Variants in KCNG2 observed in about 807,000 individuals in gnomAD.
KCNG2 encodes potassium voltage-gated channel modifier subfamily G member 2.
In KCNG2, 7 loss-of-function variants were observed where a neutral mutation model predicts 12.3. That is an observed-to-expected ratio of 0.57 (90% CI 0.32 to 1.07). The LOEUF (loss-of-function observed/expected upper bound fraction) is 1.07. KCNG2 is among the 50% of genes least tolerant of loss of function. The pLI is 0.04. For synonymous variants in KCNG2, 414 were observed against 351.4 expected, an observed-to-expected ratio of 1.18 and a Z score of -1.99; for missense variants, 703 against 726.0, an observed-to-expected ratio of 0.97 and a Z score of 0.36.
chr18:79,885,897 C>T (rs111565223), intron 3 of KCNG2, among the ~76,000 whole-genome samples: 3 of 10,470 alleles, frequency 2.9e-4, no homozygotes, highest in African/African-American at 1.5e-4. Context: ...CATGGGGACA[C>T]GGGACAGGGA....
chr18:79,835,507 T>C (rs1403440355), intron 1 of KCNG2, among the ~76,000 whole-genome samples: 2 of 152,168 alleles, frequency 1.3e-5, no homozygotes, highest in Non-Finnish European at 2.9e-5. Context: ...AATGGGAATT[T>C]TAGATGTAAA....
intron 1 of KCNG2, among the ~76,000 whole-genome samples, chr18:79,805,403 G>C (rs558505964): frequency 6.0e-4 from 92 of 152,326 alleles, no homozygotes; most frequent in African/African-American, 2.2e-3. Context: ...GGATGAGGCC[G>C]GCACCTGCGG....
intron 3 of KCNG2, among the ~76,000 whole-genome samples, chr18:79,867,625 G>A (rs1979658262): frequency 6.6e-6 from 1 of 151,890 alleles, no homozygotes; most frequent in East Asian, 1.9e-4. Context: ...CGGGCCCTGG[G>A]CCTGGGGGTT....
At chr18:79,837,954 A>G (rs143930630) in intron 1 of KCNG2, among the ~76,000 whole-genome samples, 296 of 152,304 alleles carry the variant, frequency 1.9e-3, no homozygotes, top group African/African-American at 6.7e-3. Flanking sequence ...GGTTTAATTG[A>G]CCCACAATTC....
chr18:79,809,780 C>G (rs192122131), intron 1 of KCNG2, among the ~76,000 whole-genome samples: 1 of 152,378 alleles, frequency 6.6e-6, no homozygotes, highest in Non-Finnish European at 1.5e-5. Context: ...CCCAGGCGTC[C>G]TACTGCACAC....
At chr18:79,828,334 CTG>C (rs1316822164) in intron 1 of KCNG2, among the ~76,000 whole-genome samples, 1 of 152,182 alleles carries the variant, frequency 6.6e-6, no homozygotes, top group African/African-American at 2.4e-5. Context: ...GCATGTCTGC[CTG>C]TGTCAGTGTG....
chr18:79,876,987 C>T (rs11662550), intron 3 of KCNG2, among the ~76,000 whole-genome samples: 14,434 of 152,244 alleles, frequency 0.095, 1,024 homozygotes, highest in Non-Finnish European at 0.14. Context: ...ACGCAGGGTG[C>T]GCAGGAAATC....
At chr18:79,806,226 T>C (rs1268621925) in intron 1 of KCNG2, among the ~76,000 whole-genome samples, 1 of 151,792 alleles carries the variant, frequency 6.6e-6, no homozygotes. Context: ...GGCAAGGCCG[T>C]CGTGCTGGGG....
chr18:79,866,232 ATGCTGAGAGGTCTGTG>A (rs1471719967), intron 3 of KCNG2, among the ~76,000 whole-genome samples: 5 of 76,412 alleles, frequency 6.5e-5, no homozygotes, highest in African/African-American at 1.5e-4. Context: ...AGAGGTCTGG[ATGCTGAGAGGTCTGTG>A]TGCTGAGAGG....
chr18:79,872,287 T>TTTTGTTTG (rs1555695116), intron 3 of KCNG2, among the ~76,000 whole-genome samples: 25 of 113,572 alleles, frequency 2.2e-4, no homozygotes, highest in African/African-American at 7.2e-4. Context: ...TCAGTTTTTT[T>TTTTGTTTG]TTTTTTTTTT....
At chr18:79,883,030 G>T (rs1980378394) in intron 3 of KCNG2, among the ~76,000 whole-genome samples, 1 of 152,242 alleles carries the variant, frequency 6.6e-6, no homozygotes, top group African/African-American at 2.4e-5. Flanking sequence ...TATTCAGCAC[G>T]GCCTAGCCCG....
At chr18:79,873,433 C>CCCCCCA (rs1979938155) in intron 3 of KCNG2, among the ~76,000 whole-genome samples, 1 of 144,728 alleles carries the variant, frequency 6.9e-6, no homozygotes, top group African/African-American at 2.6e-5. Flanking sequence ...CCCTCCCCCC[C>CCCCCCA]CCCCAGCCAC....
intron 1 of KCNG2, among the ~76,000 whole-genome samples, chr18:79,826,341 C>G (rs935267758): frequency 2.0e-5 from 3 of 152,272 alleles, no homozygotes; most frequent in African/African-American, 7.2e-5. Context: ...AGGCTCCAGG[C>G]GCTTCAGGTA....
At chr18:79,812,326 C>A (rs111374960) in intron 1 of KCNG2, among the ~76,000 whole-genome samples, 74 of 152,136 alleles carry the variant, frequency 4.9e-4, no homozygotes, top group African/African-American at 1.5e-3. Context: ...TTAGAAGAGA[C>A]AAAAGGTCTC....
intron 2 of KCNG2, among the ~76,000 whole-genome samples, chr18:79,863,327 G>A (rs1979291982): frequency 6.6e-6 from 1 of 152,220 alleles, no homozygotes; most frequent in African/African-American, 2.4e-5. Context: ...AGTTTGCGTC[G>A]ATTTGTGAAA....
chr18:79,807,075 C>G (rs535798793), intron 1 of KCNG2, among the ~76,000 whole-genome samples: 1 of 152,294 alleles, frequency 6.6e-6, no homozygotes, highest in Admixed American at 6.5e-5. Context: ...GCTGGACAGA[C>G]CTCTGTGGAG....
chr18:79,827,568 C>T (rs1978287068), intron 1 of KCNG2, among the ~76,000 whole-genome samples: 1 of 152,196 alleles, frequency 6.6e-6, no homozygotes. Flanking sequence ...GTGGCAGAGG[C>T]CCTGGAGTCC....
At chr18:79,834,430 T>C (rs1978312718) in intron 1 of KCNG2, among the ~76,000 whole-genome samples, 1 of 152,174 alleles carries the variant, frequency 6.6e-6, no homozygotes, top group Non-Finnish European at 1.5e-5. Flanking sequence ...GCCTCAGGTC[T>C]CACCCACACT....
chr18:79,860,704 CGT>C (rs1979182096), intron 2 of KCNG2, among the ~76,000 whole-genome samples: 1 of 151,684 alleles, frequency 6.6e-6, no homozygotes, highest in Non-Finnish European at 1.5e-5. Flanking sequence ...TGTATGTGTG[CGT>C]GTGTGTTCTT....
Sources: allele counts gnomAD v4.1 joint callset (sites outside exome capture counted in the v4.1 genomes callset), GRCh38; gene constraint gnomAD v4.1.1; transcripts MANE v1.5; gene names NCBI Gene and HGNC (gene_info 2026-07-23, HGNC 2026-07-21).